The following LRRTM4 variants were observed in gnomAD, a reference collection of about 807,000 sequenced individuals.
LRRTM4 encodes the protein leucine rich repeat transmembrane neuronal 4, also known as leucine-rich repeat transmembrane neuronal protein 4.
A neutral mutation model predicts 47.6 loss-of-function variants in LRRTM4; 25 were observed. The ratio of observed to expected loss-of-function variants is 0.53; its 90% CI spans 0.38 to 0.73. The LOEUF is 0.73. Ranked by LOEUF, LRRTM4 falls within the 30% of genes least tolerant of loss-of-function variation. The pLI is 0.00. For synonymous variants in LRRTM4, 311 were observed against 269.5 expected (o/e 1.15, Z -1.51); for missense variants, 638 against 713.4 (o/e 0.89, Z 1.20).
intron 3 of LRRTM4, among the ~76,000 whole-genome samples, chr2:76,756,995 AT>A (rs1190279040): frequency 7.2e-5 from 11 of 152,164 alleles, no homozygotes; most frequent in Non-Finnish European, 1.3e-4. Context: ...AATCTAAAAA[AT>A]AATCTAATTT....
intron 3 of LRRTM4, among the ~76,000 whole-genome samples, chr2:76,846,328 T>C (rs1269712932): frequency 6.6e-6 from 1 of 152,148 alleles, no homozygotes; most frequent in East Asian, 1.9e-4. Context: ...GTCCTCACTT[T>C]CTTCAAGTTG....
intron 3 of LRRTM4, among the ~76,000 whole-genome samples, chr2:76,914,132 A>G (rs975862778): frequency 6.6e-6 from 1 of 151,896 alleles, no homozygotes; most frequent in African/African-American, 2.4e-5. Context: ...TTTTAAATTG[A>G]TCTTTGTAGT....
chr2:77,008,802 G>A (rs558773464), intron 3 of LRRTM4, among the ~76,000 whole-genome samples: 8 of 152,130 alleles, frequency 5.3e-5, no homozygotes, highest in South Asian at 2.1e-4. Flanking sequence ...ATGACGAGGC[G>A]CCGGCAATGC....
At chr2:76,810,554 T>C (rs1420583277) in intron 3 of LRRTM4, among the ~76,000 whole-genome samples, 1 of 152,168 alleles carries the variant, frequency 6.6e-6, no homozygotes, top group Non-Finnish European at 1.5e-5. Context: ...TGCTGCATAG[T>C]GAGGTATTAA....
At chr2:77,419,441 C>T (rs1343690136) in intron 3 of LRRTM4, among the ~76,000 whole-genome samples, 1 of 152,170 alleles carries the variant, frequency 6.6e-6, no homozygotes, top group Non-Finnish European at 1.5e-5. Context: ...ACAGCCTACA[C>T]AAATATTCCC....
chr2:77,242,719 A>G (rs1314899227), intron 3 of LRRTM4, among the ~76,000 whole-genome samples: 3 of 152,184 alleles, frequency 2.0e-5, no homozygotes, highest in African/African-American at 7.2e-5. Flanking sequence ...AAAATATAAA[A>G]TAACTAATTT....
intron 3 of LRRTM4, among the ~76,000 whole-genome samples, chr2:77,135,950 T>G (rs1387614398): frequency 1.3e-5 from 2 of 152,102 alleles, no homozygotes; most frequent in African/African-American, 4.8e-5. Flanking sequence ...GTTTTCATAT[T>G]ACTATCAAAC....
At chr2:77,442,130 A>C (rs1214111647) in intron 3 of LRRTM4, among the ~76,000 whole-genome samples, 3 of 152,146 alleles carry the variant, frequency 2.0e-5, no homozygotes, top group African/African-American at 7.2e-5. Flanking sequence ...CTCTGGGTTG[A>C]AATCTAGTAC....
intron 3 of LRRTM4, among the ~76,000 whole-genome samples, chr2:76,926,967 A>C (rs1674608520): frequency 6.6e-6 from 1 of 152,158 alleles, no homozygotes; most frequent in South Asian, 2.1e-4. Flanking sequence ...ATACGTGAAA[A>C]TGTGTCAAGA....
At chr2:77,025,753 T>C (rs1573467515) in intron 3 of LRRTM4, among the ~76,000 whole-genome samples, 1 of 152,284 alleles carries the variant, frequency 6.6e-6, no homozygotes, top group African/African-American at 2.4e-5. Context: ...TATGAATCTT[T>C]AGCCACATCC....
At chr2:77,313,505 T>C (rs1573237605) in intron 3 of LRRTM4, among the ~76,000 whole-genome samples, 1 of 144,360 alleles carries the variant, frequency 6.9e-6, no homozygotes, top group South Asian at 2.3e-4. Flanking sequence ...GTTGGTGTTG[T>C]GATGTTCCTC....
In LRRTM4 at chr2:76,781,778, A is replaced by C. The variant is rs147137938; in HGVS notation, c.1552-32862T>G. Among the ~76,000 whole-genome samples the C allele has an allele frequency of 4.5e-3, 681 of 152,002 alleles. 7 individuals are homozygous for C. Among genetic ancestry groups the C allele is most frequent in the African/African-American group, 0.016 (651 of 41,516 alleles). Reference sequence around the variant, plus strand: ...CCTATTCTCATTTCTCTTATTGATAAATTTCCTTTGTGGCATTTCTATTTT... The same window carrying C: ...CCTATTCTCATTTCTCTTATTGATACATTTCCTTTGTGGCATTTCTATTTT... On this transcript the variant is annotated intron_variant, in intron 3 of 3. Coordinates refer to ENST00000409884, the MANE Select transcript of LRRTM4 (RefSeq NM_001134745.3).
chr2:76,898,553 C>CAAAAAAA (rs56345618), intron 3 of LRRTM4, among the ~76,000 whole-genome samples: 2 of 63,546 alleles, frequency 3.1e-5, no homozygotes, highest in Non-Finnish European at 3.0e-5. Flanking sequence ...AGCTCCGTCT[C>CAAAAAAA]AAAAAAAAAA....
chr2:76,947,656 C>T (rs565763087), intron 3 of LRRTM4, among the ~76,000 whole-genome samples: 39 of 151,826 alleles, frequency 2.6e-4, no homozygotes, highest in African/African-American at 8.9e-4. Context: ...CCCATGCATA[C>T]AAGTATGATC....
chr2:77,469,092 T>G (rs1272613199), intron 3 of LRRTM4, among the ~76,000 whole-genome samples: 1 of 152,202 alleles, frequency 6.6e-6, no homozygotes, highest in Non-Finnish European at 1.5e-5. Context: ...TCAGCTAGTT[T>G]CTTTAAAGGA....
At chr2:77,075,914 C>CAAAAA (rs61718845) in intron 3 of LRRTM4, among the ~76,000 whole-genome samples, 726 of 36,828 alleles carry the variant, frequency 0.02, 95 homozygotes, top group East Asian at 0.035. Flanking sequence ...GACTCCGTCT[C>CAAAAA]AAAAAAAAAA....
chr2:76,810,889 C>A (rs1321452521), intron 3 of LRRTM4, among the ~76,000 whole-genome samples: 1 of 152,052 alleles, frequency 6.6e-6, no homozygotes, highest in Non-Finnish European at 1.5e-5. Context: ...CACTATCTTA[C>A]CATTGACACA....
At chr2:77,363,879 G>GA (rs997257523) in intron 3 of LRRTM4, among the ~76,000 whole-genome samples, 1 of 152,068 alleles carries the variant, frequency 6.6e-6, no homozygotes, top group Non-Finnish European at 1.5e-5. Context: ...ATTCAAAAAT[G>GA]AAAAGAAAAA....
At chr2:76,924,063 A>C (rs1327841295) in intron 3 of LRRTM4, among the ~76,000 whole-genome samples, 2 of 152,090 alleles carry the variant, frequency 1.3e-5, no homozygotes, top group Non-Finnish European at 2.9e-5. Context: ...CATTTCTTAA[A>C]TATACTGGCT....
Sources: gnomAD v4.1 joint callset for allele counts (sites outside exome capture counted in the v4.1 genomes callset) on GRCh38, gnomAD v4.1.1 for gene constraint, MANE v1.5 for transcripts, NCBI Gene and HGNC (gene_info 2026-07-23, HGNC 2026-07-21) for gene names.